The following KIF1C variants were observed in gnomAD, a reference collection of about 807,000 sequenced individuals.
KIF1C encodes kinesin-like protein KIF1C.
Under a neutral mutation model 126.5 loss-of-function variants are expected in KIF1C, and 61 were observed. The observed-to-expected ratio is 0.48, with a 90% CI of 0.39 to 0.60. The LOEUF (loss-of-function observed/expected upper bound fraction) is 0.60. KIF1C is among the 20% of genes least tolerant of loss of function. KIF1C has a pLI of 0.00. For missense variants in KIF1C, 1,315 were observed against 1,489.2 expected (o/e 0.88, Z 1.93); for synonymous variants, 640 against 580.6 (o/e 1.10, Z -1.47).
At chr17:5,001,575 C>T (rs1180130397) in intron 5 of KIF1C, among the ~76,000 whole-genome samples, 174 bp downstream of exon 5, 2 of 149,982 alleles carry the variant, frequency 1.3e-5, no homozygotes, top group East Asian at 1.9e-4. Context: ...GGAGGGTCTT[C>T]GCCCCTATCA....
At chr17:5,013,194 C>G (rs564592099) in intron 16 of KIF1C, among the ~76,000 whole-genome samples, 1 of 152,178 alleles carries the variant, frequency 6.6e-6, no homozygotes, top group Non-Finnish European at 1.5e-5. Flanking sequence ...CTCACTCAGT[C>G]TCCCCCAACT....
In KIF1C at chr17:5,022,219, T is replaced by C. The variant is rs1975105524; in HGVS notation, c.2138T>C (p.Leu713Pro). 6.2e-7 allele frequency: 1 copy of C among 1,614,082 alleles called. No individual in the cohort carries two copies. Among genetic ancestry groups the C allele is most frequent in the Admixed American group, 1.7e-5 (1 of 60,008 alleles). ...TVQTIVKRCG[L>P]PSSGKRRAPR... Reference sequence around the variant, plus strand: ...CAGACCATTGTCAAACGCTGTGGTCTGCCCAGCAGTGGCAAGCGCAGGGCC... The same window carrying C: ...CAGACCATTGTCAAACGCTGTGGTCCGCCCAGCAGTGGCAAGCGCAGGGCC... The change falls in exon 22 of 23, where the codon CTG becomes CCG. Residue 713 changes from leucine to proline, a missense_variant. Physicochemically the swap from Leu to Pro is moderately conservative, Grantham distance 98. Transcript: ENST00000320785. This position sits in a 1 kb window ranked among gnomAD's most constrained non-coding sequence, Gnocchi z 4.9.
rs1338705746 is a variant in KIF1C at position 5,004,081 on chromosome 17, C to T, written c.940+8C>T. 6.3e-7 allele frequency: 1 copy of T among 1,594,284 alleles called. No homozygotes were observed. The highest frequency in any genetic ancestry group is 8.6e-7 in the Non-Finnish European group (1 of 1,162,546). Reference sequence around the variant, plus strand: ...TGCTCAAGGAAAATTTGGGTGAGGGCCTCTTCCTCTTTCTCTGCCGACCCT... The same window carrying T: ...TGCTCAAGGAAAATTTGGGTGAGGGTCTCTTCCTCTTTCTCTGCCGACCCT... On this transcript the variant is annotated splice_region_variant and intron_variant, in intron 11 of 22. Transcript: ENST00000320785.
At chr17:5,000,901 G>T in intron 4 of KIF1C, 53 bp downstream of exon 4, 1 of 1,534,372 alleles carries the variant, frequency 6.5e-7, no homozygotes, top group Non-Finnish European at 9.0e-7. Flanking sequence ...GAGGATTTAG[G>T]TCCTGGGGAG....
At position 5,001,471 on chromosome 17, in the gene KIF1C, T is replaced by C. The variant is rs1974591407; in HGVS notation, c.363+70T>C. ...AGCTGCCCTCTGAGGAAGGAAGGAC[T>C]AGGGTCGGAGGATTATGGAACAGAG... On this transcript the variant is annotated intron_variant, in intron 5 of 22. Transcript: ENST00000320785. 4.2e-6 allele frequency: 6 copies of C among 1,442,752 alleles called. No individual in the cohort carries two copies. The East Asian group carries it at 7.0e-5, about 17-fold the overall frequency. The allele number at this position is 1,442,752 out of a possible 1,614,324, so 89.4% of individuals were successfully genotyped here.
Position 5,022,152 on chromosome 17 carries a change from C to T in KIF1C, c.2071C>T (p.Leu691Phe). The change falls in exon 22 of 23, where the codon CTC becomes TTC. Residue 691 changes from leucine (L) to phenylalanine (F), a missense_variant. Coordinates refer to ENST00000320785, the MANE Select transcript of KIF1C (RefSeq NM_006612.6). This position sits in a 1 kb window ranked among gnomAD's most constrained non-coding sequence, Gnocchi z 4.9. ...DKRSCEESWR[L>F]ISSLREQLPP... ...GCGCTCTTGTGAAGAGAGCTGGAGG[C>T]TCATCTCCTCCTTGCGGGAGCAGCT... The T allele has an allele frequency of 6.2e-7, 1 of 1,613,764 alleles. No homozygotes were observed. The highest frequency in any genetic ancestry group is 1.1e-5 in the South Asian group (1 of 91,062).
chr17:5,002,582 A>T lies in KIF1C; in HGVS notation c.548A>T (p.Lys183Ile). The T allele has an allele frequency of 6.2e-7, 1 of 1,614,030 alleles. No homozygotes were observed. ...ILGPYVQDLSKLAVTSYADIA... is the reference protein window; with the variant it reads ...ILGPYVQDLSILAVTSYADIA... ...GGCCCGTACGTGCAGGACCTGTCCA[A>T]ATTGGCTGTGACCTCCTACGCAGAC... Residue 183 changes from lysine to isoleucine, a missense_variant, in exon 7 of 23, where the codon AAA becomes ATA. Transcript: ENST00000320785.
chr17:5,005,576 A>G (rs1974708138), intron 13 of KIF1C, among the ~76,000 whole-genome samples: 1 of 152,128 alleles, frequency 6.6e-6, no homozygotes, highest in Non-Finnish European at 1.5e-5. Context: ...TTGGAAAGAG[A>G]AGGATAAGGT....
chr17:5,022,746 C>G lies in KIF1C; in HGVS notation c.2628+37C>G, dbSNP rs372954508. 4 of 1,480,856 alleles carry G rather than the reference C, an allele frequency of 2.7e-6. No homozygotes were observed. Among genetic ancestry groups the G allele is most frequent in the Non-Finnish European group, 3.6e-6 (4 of 1,121,098 alleles). The allele number at this position is 1,480,856 out of a possible 1,614,324, so 91.7% of individuals were successfully genotyped here. The stretch of plus-strand genomic sequence containing the variant: ...CTTCTGCCTCCCTTCTCTCCTCCCT[C>G]GGCTCTTCACTTTAGGAGTCTGAAC... On this transcript the variant is annotated intron_variant, in intron 22 of 22. Transcript: ENST00000320785. The surrounding 1 kb of genome is among the most constrained non-coding windows in gnomAD (Gnocchi z 4.9).
intron 8 of KIF1C, 56 bp from the exon 9 acceptor site, chr17:5,003,556 T>G: frequency 7.7e-7 from 1 of 1,302,442 alleles, no homozygotes; most frequent in Non-Finnish European, 1.1e-6. Flanking sequence ...TTCCCTGATT[T>G]CCCTGCCCCG....
At chr17:5,003,520 C>A in intron 8 of KIF1C, 92 bp from the exon 9 acceptor site, 1 of 859,322 alleles carries the variant, frequency 1.2e-6, no homozygotes, top group Non-Finnish European at 1.8e-6. Context: ...TAGCCCTTGC[C>A]AGCTGCCCAC....
chr17:5,000,931 G>T (rs1974573978), intron 4 of KIF1C, 83 bp downstream of exon 4: 1 of 1,347,546 alleles, frequency 7.4e-7, no homozygotes. Flanking sequence ...TAAGAAATAG[G>T]ACCCCCAGGG....
chr17:5,016,165 T>G (rs1597858052), intron 18 of KIF1C, among the ~76,000 whole-genome samples: 2 of 146,212 alleles, frequency 1.4e-5, no homozygotes, highest in African/African-American at 2.5e-5. Flanking sequence ...TGAGATGGAG[T>G]CTCGCTGTGT....
chr17:5,024,401 A>C lies in KIF1C; in HGVS notation c.*250A>C. The stretch of plus-strand genomic sequence containing the variant: ...GCTGCCTCGGGGCCACCCCTTGCAA[A>C]GGGGGTGTGTCCCACAAACGCTGCT... On this transcript the variant is annotated 3_prime_UTR_variant, in exon 23 of 23. Coordinates refer to ENST00000320785, the MANE Select transcript of KIF1C (RefSeq NM_006612.6). The C allele has an allele frequency of 8.7e-6, 2 of 230,690 alleles. No homozygotes were observed. The highest frequency in any genetic ancestry group is 7.4e-5 in the East Asian group (1 of 13,508). The allele number at this position is 230,690 out of a possible 1,614,324, so 14.3% of individuals were successfully genotyped here.
Position 5,020,126 on chromosome 17 carries a change from T to A in KIF1C, c.1750+47T>A. 1 of 1,451,382 alleles carries A rather than the reference T, an allele frequency of 6.9e-7. No individual in the cohort carries two copies. Among genetic ancestry groups the A allele is most frequent in the Non-Finnish European group, 9.5e-7 (1 of 1,054,012 alleles). The allele number at this position is 1,451,382 out of a possible 1,614,324, so 89.9% of individuals were successfully genotyped here. A position where few individuals can be genotyped will look rare whatever the true frequency, so the allele number is the denominator to read the frequency against. On this transcript the variant is annotated intron_variant, in intron 19 of 22. Transcript: ENST00000320785. This position sits in a 1 kb window ranked among gnomAD's most constrained non-coding sequence, Gnocchi z 5.8. ...GAGGGTTCTGGGGCGTGGCTGTGTGTAGGAAGTCTCAAGGGAGGTCCTTCT... is the reference window on the plus strand; with the variant it reads ...GAGGGTTCTGGGGCGTGGCTGTGTGAAGGAAGTCTCAAGGGAGGTCCTTCT...
In KIF1C at chr17:5,002,445, A is replaced by T; in HGVS notation, c.430-19A>T. ...GTTTTTGCTAGTTTTGTTACTTCTCATTTGCTTCTCCCACTCAGGTGAGCT... is the reference window on the plus strand; with the variant it reads ...GTTTTTGCTAGTTTTGTTACTTCTCTTTTGCTTCTCCCACTCAGGTGAGCT... On this transcript the variant is annotated intron_variant, in intron 6 of 22. Coordinates refer to ENST00000320785, the MANE Select transcript of KIF1C (RefSeq NM_006612.6). The T allele has an allele frequency of 1.9e-6, 3 of 1,565,550 alleles. No individual in the cohort carries two copies. Among genetic ancestry groups the T allele is most frequent in the Non-Finnish European group, 2.6e-6 (3 of 1,152,406 alleles).
In KIF1C at chr17:5,004,011, G is replaced by A. The variant is rs774589252; in HGVS notation, c.878G>A (p.Arg293Gln). ...SALADMQSKK[R>Q]KSDFIPYRDS... is the part of the protein sequence containing the mutation. ...TTTATCCCCCAGCAATCAAAGAAGC[G>A]AAAGTCGGATTTTATCCCCTACAGG... The change falls in exon 11 of 23, where the codon CGA becomes CAA. Residue 293 changes from arginine (R) to glutamine (Q), a missense_variant. Physicochemically the swap from Arg to Gln is conservative, Grantham distance 43. Transcript: ENST00000320785. 15 of 1,613,898 alleles carry A rather than the reference G, an allele frequency of 9.3e-6. No homozygotes were observed. Among genetic ancestry groups the A allele is most frequent in the Middle Eastern group, 1.6e-4 (1 of 6,072 alleles).
chr17:5,022,180 C>T lies in KIF1C; in HGVS notation c.2099C>T (p.Pro700Leu), dbSNP rs148934699. The T allele has an allele frequency of 4.8e-3, 7,737 of 1,614,030 alleles. 30 individuals carry two copies. Among genetic ancestry groups the T allele is most frequent in the Non-Finnish European group, 6.0e-3 (7,081 of 1,179,946 alleles). ...RLISSLREQLPPTTVQTIVKR... is the reference protein window; with the variant it reads ...RLISSLREQLLPTTVQTIVKR... ...ATCTCCTCCTTGCGGGAGCAGCTGC[C>T]GCCCACCACGGTCCAGACCATTGTC... is the stretch of plus-strand genomic sequence containing the variant. The change falls in exon 22 of 23, where the codon CCG becomes CTG. Residue 700 changes from proline to leucine, a missense_variant. Physicochemically the swap from Pro to Leu is moderately conservative, Grantham distance 98 (BLOSUM62 -3). This residue lies in a region of KIF1C where 874 missense variants were observed against 1,053.2 expected (regional missense o/e 0.83). Coordinates refer to ENST00000320785, the MANE Select transcript of KIF1C (RefSeq NM_006612.6). This position sits in a 1 kb window ranked among gnomAD's most constrained non-coding sequence, Gnocchi z 4.9.
chr17:5,004,374 C>T (rs1974676001), intron 11 of KIF1C, among the ~76,000 whole-genome samples, 193 bp from the exon 12 acceptor site: 2 of 152,302 alleles, frequency 1.3e-5, no homozygotes, highest in South Asian at 2.1e-4. Flanking sequence ...GACTGTCCTG[C>T]AGATATATCT....
Sources: allele counts gnomAD v4.1 joint callset (sites outside exome capture counted in the v4.1 genomes callset), GRCh38; gene constraint gnomAD v4.1.1; regional missense constraint gnomAD v4.1.1; non-coding constraint Gnocchi (gnomAD v3.1); transcripts MANE v1.5; gene names NCBI Gene and HGNC (gene_info 2026-07-23, HGNC 2026-07-21).